The following TTN variants were observed in gnomAD, a reference collection of about 807,000 sequenced individuals.
TTN encodes connectin.
In TTN, 1,525 loss-of-function variants were observed where a neutral mutation model predicts 3,223.0. The ratio of observed to expected loss-of-function variants is 0.47; its 90% CI spans 0.45 to 0.49. The LOEUF is 0.49. Ranked by LOEUF, TTN falls within the 20% of genes least tolerant of loss-of-function variation. TTN has a pLI of 0.00. For missense variants in TTN, 40,786 were observed against 43,424.0 expected, an observed-to-expected ratio of 0.94 and a Z score of 5.40; for synonymous variants, 14,094 against 15,161.0, an observed-to-expected ratio of 0.93 and a Z score of 5.17.
At chr2:178,747,138 G>A (rs953214463) in intron 47 of TTN, 1 of 1,605,272 alleles carries the variant, frequency 6.2e-7, no homozygotes, top group Non-Finnish European at 8.5e-7. Context: ...GTCTCTCCTG[G>A]GGGTGTGGAA....
chr2:178,782,132 G>C, intron 20 of TTN, 80 bp downstream of exon 20: 1 of 1,517,192 alleles, frequency 6.6e-7, no homozygotes, highest in Non-Finnish European at 9.1e-7. Flanking sequence ...CAGGGTCGGT[G>C]GGGTGAGTAA....
rs1008291885 is a variant in TTN at position 178,664,356 on chromosome 2, C to T, written c.36280+104G>A. The T allele has an allele frequency of 5.4e-6, 5 of 925,594 alleles. No individual in the cohort carries two copies. In the African/African-American group the frequency reaches 6.7e-5, roughly 12 times the overall value. The allele number at this position is 925,594 out of a possible 1,614,324, so 57.3% of individuals were successfully genotyped here. Reference sequence around the variant, plus strand: ...CTTGAGTTGCAAGAGTCAACACAGACATGATTCACATGTACACATCAAAAT... The same window carrying T: ...CTTGAGTTGCAAGAGTCAACACAGATATGATTCACATGTACACATCAAAAT... On this transcript the variant is annotated intron_variant, in intron 168 of 362. Coordinates refer to ENST00000589042, the MANE Select transcript of TTN (RefSeq NM_001267550.2).
intron 120 of TTN, 28 bp downstream of exon 120, chr2:178,692,469 A>G (rs1362655811): frequency 6.5e-7 from 1 of 1,542,038 alleles, no homozygotes; most frequent in African/African-American, 1.4e-5. Context: ...GATGCTAAGA[A>G]TTATTTTTTT....
chr2:178,569,889 T>C lies in TTN; in HGVS notation c.76243A>G (p.Ile25415Val), dbSNP rs1707513771. ...KPGPPNNPKV[I>V]DITRSSVFLS... ...AATACTGAAGATCTGGTTATGTCTA[T>C]GACTTTGGGGTTGTTTGGGGGTCCT... The change falls in exon 326 of 363, where the codon ATA (isoleucine) becomes GTA (valine). Residue 25415 changes from isoleucine (I) to valine (V), a missense_variant. Coordinates refer to ENST00000589042, the MANE Select transcript of TTN (RefSeq NM_001267550.2). The C allele has an allele frequency of 6.2e-7, 1 of 1,613,440 alleles. No individual in the cohort carries two copies. Among genetic ancestry groups the C allele is most frequent in the East Asian group, 2.2e-5 (1 of 44,782 alleles).
chr2:178,770,107 G>A lies in TTN; in HGVS notation c.8594C>T (p.Thr2865Ile), dbSNP rs2091254998. Residue 2865 changes from threonine to isoleucine, a missense_variant, in exon 36 of 363, where the codon ACA becomes ATA. By Grantham distance (89) the Thr-to-Ile change is moderately conservative. Transcript: ENST00000589042. ...GCATTCCAATTGCCCGACCACAGCT[G>A]TGTATTCCCCAGCATCTGAGGGGGA... ...NISPSDAGEY[T>I]AVVGQLECKA... 1.9e-6 allele frequency: 3 copies of A among 1,614,132 alleles called. No individual in the cohort carries two copies. The highest frequency in any genetic ancestry group is 2.5e-6 in the Non-Finnish European group (3 of 1,180,008).
At chr2:178,755,299 T>C (rs1480776694) in intron 46 of TTN, among the ~76,000 whole-genome samples, 10 of 152,172 alleles carry the variant, frequency 6.6e-5, no homozygotes, top group Non-Finnish European at 1.5e-4. Context: ...AAAATTGTGA[T>C]CTTGCCATGA....
At position 178,697,186 on chromosome 2, in the gene TTN, T is replaced by A; in HGVS notation, c.30755-18A>T. ...GACAATCTCTGGGAGTTTAAAAACA[T>A]AAAAATGTGTGTTTATTTTTAGATT... On this transcript the variant is annotated intron_variant, in intron 112 of 362. Coordinates refer to ENST00000589042, the MANE Select transcript of TTN (RefSeq NM_001267550.2). 1 of 1,505,596 alleles carries A rather than the reference T, an allele frequency of 6.6e-7. No individual in the cohort carries two copies. Among genetic ancestry groups the A allele is most frequent in the Non-Finnish European group, 8.9e-7 (1 of 1,128,194 alleles). The allele number at this position is 1,505,596 out of a possible 1,614,324, so 93.3% of individuals were successfully genotyped here.
chr2:178,697,271 G>A (rs2073908011), intron 112 of TTN, 103 bp from the exon 113 acceptor site: 21 of 926,986 alleles, frequency 2.3e-5, no homozygotes, highest in Admixed American at 3.2e-5. Flanking sequence ...TAGGAGCTAT[G>A]ACTACTACTC....
At position 178,530,494 on chromosome 2, in the gene TTN, A is replaced by T. The variant is rs727504609; in HGVS notation, c.106121T>A (p.Phe35374Tyr). 180 of 1,613,788 alleles carry T rather than the reference A, an allele frequency of 1.1e-4. No homozygotes were observed. The highest frequency in any genetic ancestry group is 1.5e-5 in the Non-Finnish European group (18 of 1,179,884). ...GATACTCTTAAAGGCTTGCCCCATA[A>T]ATTGTAAGTTGGTTTTAGACGTTCC... ...EGGTSKTNLQ[F>Y]MGQAFKSIHE... The change falls in exon 358 of 363, where the codon TTT becomes TAT. Residue 35374 changes from phenylalanine (F) to tyrosine (Y), a missense_variant. Phe to Tyr is a conservative substitution (Grantham distance 22). Coordinates refer to ENST00000589042, the MANE Select transcript of TTN (RefSeq NM_001267550.2).
In TTN at chr2:178,541,604, A is replaced by G. The variant is rs371919546; in HGVS notation, c.97493-20T>C. On this transcript the variant is annotated intron_variant, in intron 349 of 362. Coordinates refer to ENST00000589042, the MANE Select transcript of TTN (RefSeq NM_001267550.2). ...GAATACCTGCAGCAAGACAGAGGTT[A>G]ACACGATATGGCAATATGAATACGT... is the stretch of plus-strand genomic sequence containing the variant. The G allele has an allele frequency of 3.8e-6, 6 of 1,588,006 alleles. No individual in the cohort carries two copies. In the African/African-American group the frequency reaches 8.1e-5, roughly 21 times the overall value.
At position 178,730,807 on chromosome 2, in the gene TTN, A is replaced by C; in HGVS notation, c.17741-15T>G. On this transcript the variant is annotated splice_polypyrimidine_tract_variant and intron_variant, in intron 60 of 362. Coordinates refer to ENST00000589042, the MANE Select transcript of TTN (RefSeq NM_001267550.2). ...TATGATAAGATCTATTCAATGAAAA[A>C]GCAAACAACAACAAAAAAAGGTCAA... 6.4e-7 allele frequency: 1 copy of C among 1,551,532 alleles called. No individual in the cohort carries two copies. The highest frequency in any genetic ancestry group is 8.7e-7 in the Non-Finnish European group (1 of 1,152,626).
chr2:178,679,952 A>T lies in TTN; in HGVS notation c.33522T>A (p.Ile11174=). The T allele has an allele frequency of 1.2e-6, 2 of 1,613,064 alleles. No individual in the cohort carries two copies. Among genetic ancestry groups the T allele is most frequent in the Non-Finnish European group, 1.7e-6 (2 of 1,179,354 alleles). ...CAGTTATGAACTCCTCTTCTTCATGAATGTACTCTTCTTCTTCTTCTACAA... is the reference window on the plus strand; with the variant it reads ...CAGTTATGAACTCCTCTTCTTCATGTATGTACTCTTCTTCTTCTTCTACAA... ...EYLVEEEEEY[I]HEEEEFITEE... is the part of the protein sequence containing the mutation. The change falls in exon 140 of 363, where the codon ATT becomes ATA. Residue 11174 remains isoleucine (I), a synonymous_variant. Coordinates refer to ENST00000589042, the MANE Select transcript of TTN (RefSeq NM_001267550.2).
chr2:178,684,596 A>G (rs1156482702), intron 131 of TTN, 70 bp downstream of exon 131: 3 of 1,510,370 alleles, frequency 2.0e-6, no homozygotes, highest in African/African-American at 2.8e-5. Context: ...TATGACCCAA[A>G]GAACAGCAGC....
Position 178,612,884 on chromosome 2 carries a change from G to C in TTN, c.49837C>G (p.Pro16613Ala), listed in dbSNP as rs1468557688. 5.6e-6 allele frequency: 9 copies of C among 1,612,398 alleles called. No homozygotes were observed. Among genetic ancestry groups the C allele is most frequent in the Admixed American group, 1.7e-5 (1 of 59,890 alleles). ...TATTCCTGTCCTTCCATGAGCCCTG[G>C]GAGCAAGTGCTGAGTGGTGGGAACC... is the stretch of plus-strand genomic sequence containing the variant. ...EGVPTTQHLL[P>A]GLMEGQEYSF... Residue 16613 changes from proline (P) to alanine (A), a missense_variant, in exon 265 of 363, where the codon CCA becomes GCA. By Grantham distance (27) the Pro-to-Ala change is conservative (BLOSUM62 -1). Coordinates refer to ENST00000589042, the MANE Select transcript of TTN (RefSeq NM_001267550.2).
rs1456800152 is a variant in TTN at position 178,652,651 on chromosome 2, A to C, written c.39043+2T>G. The C allele has an allele frequency of 1.2e-6, 2 of 1,613,272 alleles. No individual in the cohort carries two copies. The highest frequency in any genetic ancestry group is 2.7e-5 in the African/African-American group (2 of 74,876). ...CTGACGCTTAAACTCAATGACAAAT[A>C]CCTTTAACAGGTGGGACTTCAGGCT... On this transcript the variant is annotated splice_donor_variant, in intron 201 of 362. Coordinates refer to ENST00000589042, the MANE Select transcript of TTN (RefSeq NM_001267550.2). LOFTEE classifies it high-confidence loss of function.
At chr2:178,624,327 T>C in intron 242 of TTN, 138 bp downstream of exon 242, 1 of 997,668 alleles carries the variant, frequency 1.0e-6, no homozygotes, top group Non-Finnish European at 1.5e-6. Flanking sequence ...AAGGATCAGG[T>C]TAGGTCAGTG....
Position 178,564,971 on chromosome 2 carries a change from C to T in TTN, c.81161G>A (p.Gly27054Glu). Residue 27054 changes from glycine (G) to glutamate (E), a missense_variant, in exon 326 of 363, where the codon GGA becomes GAA. Transcript: ENST00000589042. ...CTTAGAATCCAGTGGGGCACTTTTT[C>T]CATACCTGTTTTCAGCAAAAATTCT... ...QFRIFAENRYGKSAPLDSKAV... is the reference protein window; with the variant it reads ...QFRIFAENRYEKSAPLDSKAV... The T allele has an allele frequency of 6.2e-7, 1 of 1,611,504 alleles. No individual in the cohort carries two copies. The highest frequency in any genetic ancestry group is 1.1e-5 in the South Asian group (1 of 90,602).
In TTN at chr2:178,532,787, G is replaced by A. The variant is rs376443365; in HGVS notation, c.103828C>T (p.Arg34610Cys). The A allele has an allele frequency of 8.9e-5, 144 of 1,613,834 alleles. No individual in the cohort carries two copies. Among genetic ancestry groups the A allele is most frequent in the Non-Finnish European group, 1.1e-4 (124 of 1,179,868 alleles). Residue 34610 changes from arginine to cysteine, a missense_variant, in exon 358 of 363, where the codon CGC (arginine) becomes TGC (cysteine). Arg to Cys is a radical substitution (Grantham distance 180). Transcript: ENST00000589042. ...WEQFYVMPLP[R>C]ITDQYRPKWR... ...TTAGGTCTGTATTGATCTGTAATGC[G>A]TGGAAGAGGCATCACATAGAACTGT...
At position 178,567,182 on chromosome 2, in the gene TTN, C is replaced by T. The variant is rs759942713; in HGVS notation, c.78950G>A (p.Ser26317Asn). 3.7e-6 allele frequency: 6 copies of T among 1,613,216 alleles called. No homozygotes were observed. The highest frequency in any genetic ancestry group is 5.1e-6 in the Non-Finnish European group (6 of 1,179,408). The change falls in exon 326 of 363, where the codon AGT becomes AAT. Residue 26317 changes from serine (S) to asparagine (N), a missense_variant. Ser to Asn is a conservative substitution (Grantham distance 46). Transcript: ENST00000589042. ...TWSPPLQDGG[S>N]DISHYVVEKR... is the part of the protein sequence containing the mutation. The stretch of plus-strand genomic sequence containing the variant: ...TTCAACAACATAGTGAGAAATGTCA[C>T]TGCCACCATCTTGAAGTGGTGGAGA...
Sources: gnomAD v4.1 joint callset for allele counts (sites outside exome capture counted in the v4.1 genomes callset) on GRCh38, gnomAD v4.1.1 for gene constraint, MANE v1.5 for transcripts, NCBI Gene and HGNC (gene_info 2026-07-23, HGNC 2026-07-21) for gene names.